ZNF90: variants seen among roughly 807,000 people sequenced by gnomAD.
ZNF90 encodes zinc finger protein HTF9.
A neutral mutation model predicts 12.0 loss-of-function variants in ZNF90; 11 were observed. The observed-to-expected ratio is 0.92, with a 90% CI of 0.58 to 1.52. The LOEUF is 1.52. Among genes scored for constraint, ZNF90 ranks in the 40% most tolerant of loss-of-function variants. The probability of loss-of-function intolerance (pLI) is 0.00; values close to 1 mark genes in which losing one functional copy is unlikely to be tolerated. For missense variants in ZNF90, 765 were observed against 711.5 expected, an observed-to-expected ratio of 1.08 and a Z score of -0.86; for synonymous variants, 232 against 240.1, an observed-to-expected ratio of 0.97 and a Z score of 0.31.
At chr19:20,091,226 C>T (rs567156348) in intron 1 of ZNF90, among the ~76,000 whole-genome samples, 2,104 of 151,904 alleles carry the variant, frequency 0.014, 46 homozygotes, top group African/African-American at 0.048. Flanking sequence ...GGCAAATCCC[C>T]GAGCTTGATG....
chr19:20,109,318 C>A (rs1237844139), intron 3 of ZNF90, among the ~76,000 whole-genome samples: 1 of 151,814 alleles, frequency 6.6e-6, no homozygotes, highest in Non-Finnish European at 1.5e-5. Flanking sequence ...TAAATATGAC[C>A]CCAATTTTAG....
intron 1 of ZNF90, among the ~76,000 whole-genome samples, chr19:20,094,961 C>T (rs994737215): frequency 5.3e-5 from 8 of 151,940 alleles, no homozygotes; most frequent in African/African-American, 9.7e-5. Flanking sequence ...TAAGCCGGAC[C>T]GGGTGTGAGG....
chr19:20,106,884 C>T (rs1424621480), intron 3 of ZNF90: 4 of 454,374 alleles, frequency 8.8e-6, no homozygotes, highest in African/African-American at 4.0e-5. Flanking sequence ...GCACTAGGGT[C>T]CACCTTTAGT....
At chr19:20,093,423 C>T (rs972463207) in intron 1 of ZNF90, among the ~76,000 whole-genome samples, 10 of 151,874 alleles carry the variant, frequency 6.6e-5, no homozygotes, top group South Asian at 2.1e-4. Context: ...GGCATGTGAT[C>T]GGTTGCCAGG....
intron 1 of ZNF90, among the ~76,000 whole-genome samples, chr19:20,082,749 G>T (rs1457819223): frequency 6.6e-6 from 1 of 152,110 alleles, no homozygotes; most frequent in Non-Finnish European, 1.5e-5. Context: ...CCCCCAGCCC[G>T]ACACCCATAA....
intron 1 of ZNF90, 93 bp downstream of exon 1, chr19:20,078,228 C>A: frequency 6.5e-7 from 1 of 1,527,242 alleles, no homozygotes; most frequent in Non-Finnish European, 9.0e-7. Flanking sequence ...TCCCCGCAGT[C>A]AGCTCCACAA....
At chr19:20,110,059 G>A (rs2089073510) in intron 3 of ZNF90, among the ~76,000 whole-genome samples, 1 of 152,012 alleles carries the variant, frequency 6.6e-6, no homozygotes, top group African/African-American at 2.4e-5. Flanking sequence ...TTTTGTTACT[G>A]TATTAATTCA....
chr19:20,109,155 T>C (rs2089064994), intron 3 of ZNF90, among the ~76,000 whole-genome samples: 1 of 152,254 alleles, frequency 6.6e-6, no homozygotes, highest in Non-Finnish European at 1.5e-5. Flanking sequence ...TATGCATCTC[T>C]ATCACAGTCA....
At chr19:20,115,059 C>T (rs1555705523) in intron 3 of ZNF90, among the ~76,000 whole-genome samples, 2 of 152,102 alleles carry the variant, frequency 1.3e-5, no homozygotes. Context: ...GAAGTTTTGA[C>T]TTAAATTACA....
chr19:20,103,342 T>G (rs781891961), intron 1 of ZNF90, among the ~76,000 whole-genome samples: 1 of 152,226 alleles, frequency 6.6e-6, no homozygotes, highest in African/African-American at 2.4e-5. Context: ...AACCAGCAAG[T>G]CTAGACACAT....
At chr19:20,110,246 T>C (rs1231353132) in intron 3 of ZNF90, among the ~76,000 whole-genome samples, 3 of 152,172 alleles carry the variant, frequency 2.0e-5, no homozygotes, top group Non-Finnish European at 4.4e-5. Context: ...ACATGGATTT[T>C]CAAATATGTT....
chr19:20,117,673 T>C, intron 3 of ZNF90, 108 bp from the exon 4 acceptor site: 1 of 1,414,174 alleles, frequency 7.1e-7, no homozygotes, highest in Non-Finnish European at 9.2e-7. Context: ...TTTCTTTCAG[T>C]TATGTGTTTT....
chr19:20,114,825 T>A (rs2089122872), intron 3 of ZNF90, among the ~76,000 whole-genome samples: 1 of 142,180 alleles, frequency 7.0e-6, no homozygotes, highest in African/African-American at 3.1e-5. Context: ...CCTGTTCCCT[T>A]ACTAATATTC....
rs573717618 is a variant in ZNF90 at position 20,117,524 on chromosome 19, G to A, written c.227-257G>A. On this transcript the variant is annotated intron_variant, in intron 3 of 3. Transcript: ENST00000418063. ...GTGATCTTGGGTCACCGCAATCTCCGCCTCCCAGGCTCAAGCAATTCTCTG... is the reference window on the plus strand; with the variant it reads ...GTGATCTTGGGTCACCGCAATCTCCACCTCCCAGGCTCAAGCAATTCTCTG... The A allele has an allele frequency of 2.2e-5, 20 of 923,724 alleles. No homozygotes were observed. The East Asian group carries it at 5.4e-4, about 25-fold the overall frequency. 57.2% of individuals were successfully genotyped at this position (923,724 alleles called of 1,614,324 possible). A position where few individuals can be genotyped will look rare whatever the true frequency, so the allele number is the denominator to read the frequency against.
At chr19:20,078,210 C>CT (rs1289847808) in intron 1 of ZNF90, 75 bp downstream of exon 1, 1 of 1,587,178 alleles carries the variant, frequency 6.3e-7, no homozygotes, top group East Asian at 2.2e-5. Context: ...TGTGGCGGGA[C>CT]TTAGGCCTCC....
In ZNF90 at chr19:20,118,447, C is replaced by T. The variant is rs781782917; in HGVS notation, c.893C>T (p.Ser298Leu). 15 of 1,612,460 alleles carry T rather than the reference C, an allele frequency of 9.3e-6. No homozygotes were observed. Among genetic ancestry groups the T allele is most frequent in the Admixed American group, 1.7e-5 (1 of 59,662 alleles). Residue 298 changes from serine to leucine, a missense_variant, in exon 4 of 4, where the codon TCG (serine) becomes TTG (leucine). Ser to Leu is a moderately radical substitution (Grantham distance 145). Coordinates refer to ENST00000418063, the MANE Select transcript of ZNF90 (RefSeq NM_007138.2). Reference protein sequence around the residue: ...DKCGRAFISSSILYVHKISHT... With the variant: ...DKCGRAFISSLILYVHKISHT... The stretch of plus-strand genomic sequence containing the variant: ...TGTGGCAGAGCATTTATTTCATCCT[C>T]GATCCTTTATGTACATAAGATAAGT...
chr19:20,087,931 A>T (rs2088872348), intron 1 of ZNF90, among the ~76,000 whole-genome samples: 1 of 152,174 alleles, frequency 6.6e-6, no homozygotes. Flanking sequence ...AGGATGAGCC[A>T]GGAAAAGGAC....
intron 1 of ZNF90, among the ~76,000 whole-genome samples, chr19:20,089,201 T>C (rs145966625): frequency 0.015 from 2,262 of 152,240 alleles, 52 homozygotes; most frequent in African/African-American, 0.052. Flanking sequence ...GGGGGAGTTT[T>C]GATTTTCATG....
Position 20,105,744 on chromosome 19 carries a change from G to C in ZNF90, c.226+428G>C, listed in dbSNP as rs992248145. 4.5e-4 allele frequency among the ~76,000 whole-genome samples: 68 copies of C among 152,204 alleles called. 1 individual carries two copies. Among genetic ancestry groups the C allele is most frequent in the African/African-American group, 1.6e-3 (67 of 41,522 alleles). On this transcript the variant is annotated intron_variant, in intron 3 of 3. Transcript: ENST00000418063. ...ATTTCTTTGTTCATTTTTCTGCATG[G>C]TCCATTCTGTTTTTATTACTATATA...
Sources: allele counts gnomAD v4.1 joint callset (sites outside exome capture counted in the v4.1 genomes callset), GRCh38; gene constraint gnomAD v4.1.1; transcripts MANE v1.5; gene names NCBI Gene and HGNC (gene_info 2026-07-23, HGNC 2026-07-21).